The following LUZP2 variants were observed in gnomAD, a reference collection of about 807,000 sequenced individuals.
LUZP2 encodes leucine zipper protein 2.
LUZP2 carries 52 observed loss-of-function variants against 51.6 expected under a neutral mutation model. That is an observed-to-expected ratio of 1.01 (90% CI 0.81 to 1.27). The LOEUF (loss-of-function observed/expected upper bound fraction) is 1.27. Among genes scored for constraint, LUZP2 ranks in the 50% most tolerant of loss-of-function variants. The pLI, the probability that LUZP2 is intolerant of heterozygous loss-of-function variation, is 0.00. For synonymous variants in LUZP2, 154 were observed against 137.3 expected, an observed-to-expected ratio of 1.12 and a Z score of -0.85; for missense variants, 436 against 395.4, an observed-to-expected ratio of 1.10 and a Z score of -0.87.
chr11:24,873,423 G>C (rs1279584198), intron 5 of LUZP2, among the ~76,000 whole-genome samples: 1 of 152,314 alleles, frequency 6.6e-6, no homozygotes, highest in African/African-American at 2.4e-5. Flanking sequence ...TTTGGAGTTT[G>C]TGTGAATTGT....
At chr11:24,937,837 C>T (rs1854631817) in intron 7 of LUZP2, among the ~76,000 whole-genome samples, 1 of 150,696 alleles carries the variant, frequency 6.6e-6, no homozygotes, top group South Asian at 2.1e-4. Flanking sequence ...GGAGGCGGAG[C>T]TGGCAGTGAG....
chr11:24,942,728 G>A (rs772495082), intron 7 of LUZP2, among the ~76,000 whole-genome samples: 1 of 151,824 alleles, frequency 6.6e-6, no homozygotes, highest in Non-Finnish European at 1.5e-5. Flanking sequence ...TTTTATTTTT[G>A]ATGAAGTCAA....
chr11:24,723,615 C>G (rs945597542), intron 1 of LUZP2, among the ~76,000 whole-genome samples: 2 of 152,032 alleles, frequency 1.3e-5, no homozygotes, highest in African/African-American at 4.8e-5. Context: ...TATTTGAAGC[C>G]CAGAGTTCAA....
intron 5 of LUZP2, among the ~76,000 whole-genome samples, chr11:24,867,003 C>T (rs575295769): frequency 6.6e-6 from 1 of 152,100 alleles, no homozygotes; most frequent in African/African-American, 2.4e-5. Context: ...CCCAGGAAAG[C>T]AGGACACTGA....
rs1050971637 is a variant in LUZP2 at position 24,751,556 on chromosome 11, G to A, written c.334-11690G>A. The A allele has an allele frequency of 3.0e-5, 29 of 978,436 alleles. No homozygotes were observed. In the Admixed American group the frequency reaches 9.3e-4, roughly 31 times the overall value. The allele number at this position is 978,436 out of a possible 1,614,324, so 60.6% of individuals were successfully genotyped here. A position where few individuals can be genotyped will look rare whatever the true frequency, so the allele number is the denominator to read the frequency against. ...GAAGTAATGGGAGTGAGGAAGGGTG[G>A]AGTCGTAGTACCCACCCCATCTCCC... On this transcript the variant is annotated intron_variant, in intron 4 of 11. Transcript: ENST00000336930.
intron 7 of LUZP2, among the ~76,000 whole-genome samples, chr11:24,974,123 T>C (rs1855822285): frequency 6.6e-6 from 1 of 152,306 alleles, no homozygotes; most frequent in East Asian, 1.9e-4. Flanking sequence ...GCTCCTGTAT[T>C]GGGTGCATAT....
chr11:24,575,108 A>T (rs1394214691), intron 1 of LUZP2, among the ~76,000 whole-genome samples: 2 of 152,078 alleles, frequency 1.3e-5, no homozygotes, highest in East Asian at 3.9e-4. Flanking sequence ...TTAAGCTTCG[A>T]CCATTTCAAA....
chr11:24,600,211 ACACACACG>A lies in LUZP2; in HGVS notation c.62+102911_62+102918del, dbSNP rs890758117. 7.6e-4 allele frequency among the ~76,000 whole-genome samples: 111 copies of A among 146,074 alleles called. 3 individuals carry two copies. The East Asian group carries it at 0.016, about 21-fold the overall frequency. ...CACACACACACACACACACACACAC[ACACACACG>A]CACAATGGGGTAACATCATGTGAAG... On this transcript the variant is annotated intron_variant, in intron 1 of 11. Transcript: ENST00000336930.
chr11:24,739,531 C>T (rs1348172800), intron 4 of LUZP2, among the ~76,000 whole-genome samples: 1 of 152,010 alleles, frequency 6.6e-6, no homozygotes, highest in East Asian at 1.9e-4. Flanking sequence ...CAGAGCAAGG[C>T]TGATCCAGCA....
chr11:24,786,916 G>T (rs963003439), intron 5 of LUZP2, among the ~76,000 whole-genome samples: 6 of 151,844 alleles, frequency 4.0e-5, no homozygotes, highest in African/African-American at 1.2e-4. Context: ...TCTTTAGTAG[G>T]TATTGTACAC....
chr11:24,658,129 C>T (rs1194102734), intron 1 of LUZP2, among the ~76,000 whole-genome samples: 1 of 152,070 alleles, frequency 6.6e-6, no homozygotes, highest in Non-Finnish European at 1.5e-5. Flanking sequence ...CAATCCTAAG[C>T]CAAAAGAACA....
chr11:24,500,065 C>A (rs1034061693), intron 1 of LUZP2, among the ~76,000 whole-genome samples: 1 of 152,078 alleles, frequency 6.6e-6, no homozygotes, highest in Non-Finnish European at 1.5e-5. Flanking sequence ...TCCTTCTCAC[C>A]TTTTCTGAAG....
At chr11:24,649,772 A>G (rs1486038509) in intron 1 of LUZP2, among the ~76,000 whole-genome samples, 2 of 151,960 alleles carry the variant, frequency 1.3e-5, no homozygotes, top group African/African-American at 2.4e-5. Flanking sequence ...CCGTCCTCAC[A>G]TATAATCTCA....
intron 5 of LUZP2, among the ~76,000 whole-genome samples, chr11:24,886,192 A>C (rs1157373295): frequency 6.6e-6 from 1 of 152,198 alleles, no homozygotes; most frequent in African/African-American, 2.4e-5. Context: ...GATTTGAAAA[A>C]TACTTTTTAG....
At chr11:24,727,143 G>A (rs983931858) in intron 1 of LUZP2, among the ~76,000 whole-genome samples, 1 of 152,024 alleles carries the variant, frequency 6.6e-6, no homozygotes, top group Non-Finnish European at 1.5e-5. Flanking sequence ...AAAGGGAAAT[G>A]TTATTTGTAA....
intron 1 of LUZP2, among the ~76,000 whole-genome samples, chr11:24,579,794 A>G (rs1412415559): frequency 6.6e-6 from 1 of 152,126 alleles, no homozygotes; most frequent in Non-Finnish European, 1.5e-5. Context: ...ATCAAATCAT[A>G]CATTATAATT....
At chr11:24,756,068 C>G (rs929042261) in intron 4 of LUZP2, among the ~76,000 whole-genome samples, 1 of 152,116 alleles carries the variant, frequency 6.6e-6, no homozygotes, top group Admixed American at 6.6e-5. Context: ...TTCACCACCC[C>G]CCTTATGTTA....
At chr11:24,826,435 G>GACAC (rs902265114) in intron 5 of LUZP2, among the ~76,000 whole-genome samples, 1 of 151,332 alleles carries the variant, frequency 6.6e-6, no homozygotes, top group African/African-American at 2.4e-5. Context: ...TCATACAGAA[G>GACAC]ACACACACTA....
chr11:24,879,854 C>T (rs558736177), intron 5 of LUZP2, among the ~76,000 whole-genome samples: 42 of 151,462 alleles, frequency 2.8e-4, no homozygotes, highest in African/African-American at 9.7e-4. Context: ...CTTTAATCTA[C>T]CCTCTCCTCT....
Sources: gnomAD v4.1 joint callset for allele counts (sites outside exome capture counted in the v4.1 genomes callset) on GRCh38, gnomAD v4.1.1 for gene constraint, MANE v1.5 for transcripts, NCBI Gene and HGNC (gene_info 2026-07-23, HGNC 2026-07-21) for gene names.